Variants in MARK2 observed in about 807,000 individuals in gnomAD.
The protein encoded by MARK2 is microtubule affinity regulating kinase 2.
MARK2 carries 16 observed loss-of-function variants against 89.8 expected under a neutral mutation model. That is an observed-to-expected ratio of 0.18 (90% CI 0.12 to 0.27). MARK2 has a LOEUF of 0.27. MARK2 is among the 10% of genes least tolerant of loss of function. The pLI is 1.00. For synonymous variants in MARK2, 382 were observed against 399.5 expected (o/e 0.96, Z 0.52); for missense variants, 621 against 1,049.9 (o/e 0.59, Z 5.65).
chr11:63,883,432 T>C (rs1939218655), intron 1 of MARK2, among the ~76,000 whole-genome samples: 1 of 152,194 alleles, frequency 6.6e-6, no homozygotes, highest in Non-Finnish European at 1.5e-5. Flanking sequence ...GTCAAATTTC[T>C]AGGTATTGTA....
Position 63,908,288 on chromosome 11 carries a change from C to G in MARK2, c.1990C>G (p.Arg664Gly), listed in dbSNP as rs1369701108. 1.3e-6 allele frequency: 2 copies of G among 1,564,228 alleles called. No individual in the cohort carries two copies. Among genetic ancestry groups the G allele is most frequent in the Non-Finnish European group, 8.7e-7 (1 of 1,153,666 alleles). Reference protein sequence around the residue: ...RNLNEPESKDRVETLRPHVVG... With the variant: ...RNLNEPESKDGVETLRPHVVG... ...CCTGAATGAACCTGAAAGCAAAGAC[C>G]GAGTGGAGACGCTCAGGTGAGAGGG... The change falls in exon 18 of 19, where the codon CGA (arginine) becomes GGA (glycine). Residue 664 changes from arginine (R) to glycine (G), a missense_variant. By Grantham distance (125) the Arg-to-Gly change is moderately radical. Coordinates refer to ENST00000402010, the MANE Select transcript of MARK2 (RefSeq NM_001039469.3).
chr11:63,899,011 C>A (rs575507981), intron 6 of MARK2, 41 bp from the exon 7 acceptor site: 2 of 1,480,758 alleles, frequency 1.4e-6, no homozygotes, highest in African/African-American at 2.8e-5. Flanking sequence ...TGTGGCCCAC[C>A]CTCAGGCACC....
In MARK2 at chr11:63,899,909, C is replaced by G; in HGVS notation, c.567C>G (p.Ile189Met). 1 of 1,614,146 alleles carries G rather than the reference C, an allele frequency of 6.2e-7. No individual in the cohort carries two copies. The highest frequency in any genetic ancestry group is 8.5e-7 in the Non-Finnish European group (1 of 1,179,996). The stretch of plus-strand genomic sequence containing the variant: ...TGCTCTTGGATGCTGATATGAACAT[C>G]AAGATTGCAGACTTTGGCTTCAGCA... ...ENLLLDADMN[I>M]KIADFGFSNE... is the part of the protein sequence containing the mutation. The change falls in exon 8 of 19, where the codon ATC (isoleucine) becomes ATG (methionine). Residue 189 changes from isoleucine (I) to methionine (M), a missense_variant. By Grantham distance (10) the Ile-to-Met change is conservative. Around this residue, in one of 5 missense-constraint regions of MARK2, gnomAD observed 82 missense variants for 287.7 expected, o/e 0.29. Coordinates refer to ENST00000402010, the MANE Select transcript of MARK2 (RefSeq NM_001039469.3).
chr11:63,905,780 A>G (rs969943909), intron 16 of MARK2, among the ~76,000 whole-genome samples: 6 of 152,188 alleles, frequency 3.9e-5, no homozygotes, highest in African/African-American at 1.4e-4. Context: ...TTGGAGTAGC[A>G]GCTCAGGAAG....
chr11:63,893,770 A>G (rs1485530802), intron 1 of MARK2, among the ~76,000 whole-genome samples: 2 of 152,228 alleles, frequency 1.3e-5, no homozygotes, highest in African/African-American at 4.8e-5. Context: ...ACGTAACCCC[A>G]TATGACAGGT....
At chr11:63,884,992 A>T (rs1389571088) in intron 1 of MARK2, among the ~76,000 whole-genome samples, 3 of 152,092 alleles carry the variant, frequency 2.0e-5, no homozygotes, top group African/African-American at 7.2e-5. Flanking sequence ...GCTTGAGCCC[A>T]GGGAGTTCGA....
chr11:63,909,281 G>T lies in MARK2; in HGVS notation c.*44G>T, dbSNP rs773419063. The T allele has an allele frequency of 2.6e-6, 4 of 1,514,814 alleles. No individual in the cohort carries two copies. Among genetic ancestry groups the T allele is most frequent in the East Asian group, 4.7e-5 (2 of 42,992 alleles). The allele number at this position is 1,514,814 out of a possible 1,614,324, so 93.8% of individuals were successfully genotyped here. A position where few individuals can be genotyped will look rare whatever the true frequency, so the allele number is the denominator to read the frequency against. On this transcript the variant is annotated 3_prime_UTR_variant, in exon 19 of 19. Transcript: ENST00000402010. ...GGCGGCGGGGGCGGGCCAGCTGGAC[G>T]GGCTGCCGGCCGCTGCGCCGCCCCA...
chr11:63,843,678 G>A (rs2016133231), intron 1 of MARK2, among the ~76,000 whole-genome samples: 1 of 151,684 alleles, frequency 6.6e-6, no homozygotes, highest in South Asian at 2.1e-4. Context: ...AGGCTGGAGT[G>A]TAGCGATGCG....
At chr11:63,864,918 CG>C in intron 1 of MARK2, among the ~76,000 whole-genome samples, 1 of 152,174 alleles carries the variant, frequency 6.6e-6, no homozygotes, top group Non-Finnish European at 1.5e-5. Flanking sequence ...TCTTTTGAGA[CG>C]AGAGTCTGAC....
rs979244933 is a variant in MARK2, at chr11:63,839,139, C to T, written c.-368C>T. On this transcript the variant is annotated 5_prime_UTR_variant, in exon 1 of 19. Transcript: ENST00000402010. ...GTGGTGGCGGCCATGTTGGGAGCAG[C>T]AGGTCCGGCGGCGGCTGCCTGTGTG... 6 of 192,876 alleles carry T rather than the reference C, an allele frequency of 3.1e-5. No individual in the cohort carries two copies. Among genetic ancestry groups the T allele is most frequent in the Non-Finnish European group, 5.2e-5 (5 of 95,908 alleles). 11.9% of individuals were successfully genotyped at this position (192,876 alleles called of 1,614,324 possible).
At chr11:63,879,812 A>T (rs1228273742) in intron 1 of MARK2, among the ~76,000 whole-genome samples, 1 of 152,156 alleles carries the variant, frequency 6.6e-6, no homozygotes, top group African/African-American at 2.4e-5. Flanking sequence ...TTCTGGAGCA[A>T]CAAACTTTGT....
At position 63,869,630 on chromosome 11, in the gene MARK2, T is replaced by G. The variant is rs77020977; in HGVS notation, c.55-25529T>G. On this transcript the variant is annotated intron_variant, in intron 1 of 18. Transcript: ENST00000402010. ...CACCCTGAGTTCAGGGTTGTCATGT[T>G]TCTGAGGTGTGCTACTGCTTAGTAC... Among the ~76,000 whole-genome samples the G allele has an allele frequency of 1.7e-3, 261 of 152,238 alleles. 1 individual carries two copies. Among genetic ancestry groups the G allele is most frequent in the African/African-American group, 6.0e-3 (249 of 41,550 alleles).
chr11:63,900,744 C>T lies in MARK2; in HGVS notation c.889-36C>T. 6.2e-7 allele frequency: 1 copy of T among 1,613,886 alleles called. No individual in the cohort carries two copies. Among genetic ancestry groups the T allele is most frequent in the South Asian group, 1.1e-5 (1 of 91,068 alleles). On this transcript the variant is annotated intron_variant, in intron 9 of 18. Coordinates refer to ENST00000402010, the MANE Select transcript of MARK2 (RefSeq NM_001039469.3). The surrounding 1 kb of genome is among the most constrained non-coding windows in gnomAD (Gnocchi z 4.7). ...CCACAGAAACTTTCCAGCTGAGTTT[C>T]TTCCCCCTGCCCTTTTCCTTCTCTG...
chr11:63,892,451 G>C (rs1476730077), intron 1 of MARK2, among the ~76,000 whole-genome samples: 2 of 152,152 alleles, frequency 1.3e-5, no homozygotes, highest in Non-Finnish European at 2.9e-5. Flanking sequence ...ACAGTTCCTT[G>C]GGTAGTAGCA....
intron 1 of MARK2, among the ~76,000 whole-genome samples, chr11:63,882,246 C>G (rs373723998): frequency 4.0e-4 from 60 of 149,836 alleles, no homozygotes; most frequent in East Asian, 2.4e-3. Flanking sequence ...CAGTCTTGCT[C>G]TGAGCCACCA....
chr11:63,893,483 G>T (rs1045690008), intron 1 of MARK2, among the ~76,000 whole-genome samples: 1 of 151,320 alleles, frequency 6.6e-6, no homozygotes, highest in Non-Finnish European at 1.5e-5. Flanking sequence ...TCCACTTTTT[G>T]ACTATTATGG....
chr11:63,899,999 A>G lies in MARK2; in HGVS notation c.657A>G (p.Glu219=). The G allele has an allele frequency of 6.2e-7, 1 of 1,613,770 alleles. No individual in the cohort carries two copies. The highest frequency in any genetic ancestry group is 8.5e-7 in the Non-Finnish European group (1 of 1,179,936). Residue 219 remains glutamate, a synonymous_variant, in exon 8 of 19, where the codon GAA becomes GAG. Coordinates refer to ENST00000402010, the MANE Select transcript of MARK2 (RefSeq NM_001039469.3). ...GCAGTCCCCCTTATGCTGCCCCAGAACTCTTCCAGGGCAAAAAATATGATG... is the reference window on the plus strand; with the variant it reads ...GCAGTCCCCCTTATGCTGCCCCAGAGCTCTTCCAGGGCAAAAAATATGATG... The part of the protein sequence containing the change: ...FCGSPPYAAP[E]LFQGKKYDGP...
At chr11:63,906,156 T>A in intron 17 of MARK2, 42 bp downstream of exon 17, 1 of 1,275,626 alleles carries the variant, frequency 7.8e-7, no homozygotes. Context: ...TGTGTGTGTG[T>A]CTGTGTCCTG....
intron 3 of MARK2, among the ~76,000 whole-genome samples, chr11:63,896,493 A>G (rs1273749477): frequency 6.6e-6 from 1 of 152,270 alleles, no homozygotes; most frequent in Non-Finnish European, 1.5e-5. Context: ...TATTTTCTCC[A>G]TAAGCATATT....
Sources: gnomAD v4.1 joint callset for allele counts (sites outside exome capture counted in the v4.1 genomes callset) on GRCh38, gnomAD v4.1.1 for gene constraint, gnomAD v4.1.1 regional missense constraint, Gnocchi (gnomAD v3.1) non-coding constraint, MANE v1.5 for transcripts, NCBI Gene and HGNC (gene_info 2026-07-23, HGNC 2026-07-21) for gene names.